NCAPD3: variants seen among roughly 807,000 people sequenced by gnomAD.
The protein encoded by NCAPD3 is condensin-2 complex subunit D3.
A neutral mutation model predicts 182.9 loss-of-function variants in NCAPD3; 105 were observed. The ratio of observed to expected loss-of-function variants is 0.57; its 90% CI spans 0.49 to 0.68. The LOEUF (loss-of-function observed/expected upper bound fraction) is 0.68, where lower values mean the gene tolerates loss of function less well. Among genes scored for constraint, NCAPD3 ranks in the 30% least tolerant of loss-of-function variants. NCAPD3 has a pLI of 0.00. For missense variants in NCAPD3, 1,944 were observed against 1,837.0 expected (o/e 1.06, Z -1.07); for synonymous variants, 815 against 679.9 (o/e 1.20, Z -3.09).
intron 7 of NCAPD3, among the ~76,000 whole-genome samples, chr11:134,207,229 G>A (rs1313624820): frequency 2.0e-5 from 3 of 151,964 alleles, no homozygotes; most frequent in South Asian, 2.1e-4. Context: ...GGTAGGTATT[G>A]CATTAAGCAC....
chr11:134,212,541 T>C (rs1937877706), intron 3 of NCAPD3, among the ~76,000 whole-genome samples: 1 of 151,990 alleles, frequency 6.6e-6, no homozygotes, highest in Non-Finnish European at 1.5e-5. Context: ...GTTACCACAT[T>C]GGGCTAATTT....
chr11:134,161,708 T>C, intron 28 of NCAPD3, 73 bp downstream of exon 28: 1 of 910,042 alleles, frequency 1.1e-6, no homozygotes, highest in Admixed American at 2.3e-5. Flanking sequence ...GCCTGCACTG[T>C]CATAACTGGC....
chr11:134,163,727 C>A (rs1469646709), intron 27 of NCAPD3, among the ~76,000 whole-genome samples: 2 of 142,644 alleles, frequency 1.4e-5, no homozygotes, highest in Admixed American at 1.4e-4. Context: ...AAAAAGTTAG[C>A]CAGGCACAGT....
intron 28 of NCAPD3, among the ~76,000 whole-genome samples, chr11:134,160,538 T>C (rs1487855102): frequency 2.0e-5 from 3 of 152,162 alleles, no homozygotes; most frequent in Non-Finnish European, 2.9e-5. Context: ...AGCCTCCCCA[T>C]TGGCTCTCAG....
In NCAPD3 at chr11:134,164,250, A is replaced by T. The variant is rs568253969; in HGVS notation, c.3574-2359T>A. ...CAAAAGCCTCAGCCTGACACACCAG[A>T]CTCCAGTCTGCAAGAGCACCATAAA... On this transcript the variant is annotated intron_variant, in intron 27 of 34. Coordinates refer to ENST00000534548, the MANE Select transcript of NCAPD3 (RefSeq NM_015261.3). 1.3e-3 allele frequency among the ~76,000 whole-genome samples: 200 copies of T among 152,132 alleles called. 1 individual carries two copies. The highest frequency in any genetic ancestry group is 9.8e-4 in the Admixed American group (15 of 15,276).
intron 19 of NCAPD3, among the ~76,000 whole-genome samples, chr11:134,183,594 T>C (rs997544600): frequency 1.3e-5 from 2 of 152,138 alleles, no homozygotes; most frequent in African/African-American, 4.8e-5. Context: ...GTTTGTCATA[T>C]AATTTCTTGG....
chr11:134,177,603 A>T (rs1345729643), intron 22 of NCAPD3, 146 bp from the exon 23 acceptor site: 2 of 672,592 alleles, frequency 3.0e-6, no homozygotes, highest in Non-Finnish European at 5.0e-6. Context: ...AAAAAACTAA[A>T]GGCAGACAGA....
chr11:134,191,439 C>T (rs901787043), intron 16 of NCAPD3, among the ~76,000 whole-genome samples: 2 of 152,092 alleles, frequency 1.3e-5, no homozygotes, highest in African/African-American at 4.8e-5. Context: ...CAGGCATACT[C>T]TCTTTGTGAT....
chr11:134,171,902 C>T (rs901943945), intron 24 of NCAPD3, among the ~76,000 whole-genome samples: 11 of 152,158 alleles, frequency 7.2e-5, no homozygotes, highest in South Asian at 2.1e-4. Context: ...GCACATTTCC[C>T]GGACCCCCAG....
Position 134,168,008 on chromosome 11 carries a change from C to G in NCAPD3, c.3561G>C (p.Lys1187Asn). ...GCAACACACTCACTTGTGAGATGAG[C>G]TTCTTCTGAGCTTCCTGCATGACTA... ...ANVVMQEAQK[K>N]LISQVQKRNF... The change falls in exon 27 of 35, where the codon AAG (lysine) becomes AAC (asparagine). Residue 1187 changes from lysine (K) to asparagine (N), a missense_variant. Lys to Asn is a moderately conservative substitution (Grantham distance 94, BLOSUM62 0). Coordinates refer to ENST00000534548, the MANE Select transcript of NCAPD3 (RefSeq NM_015261.3). 4 of 1,613,860 alleles carry G rather than the reference C, an allele frequency of 2.5e-6. No individual in the cohort carries two copies. Among genetic ancestry groups the G allele is most frequent in the Non-Finnish European group, 3.4e-6 (4 of 1,179,844 alleles).
chr11:134,193,627 C>A (rs779098361), intron 15 of NCAPD3, among the ~76,000 whole-genome samples: 5 of 152,162 alleles, frequency 3.3e-5, no homozygotes, highest in Non-Finnish European at 7.3e-5. Flanking sequence ...GCAGCACCTG[C>A]CTGTAGTCCC....
chr11:134,168,796 C>A, intron 25 of NCAPD3, 121 bp downstream of exon 25: 1 of 1,424,442 alleles, frequency 7.0e-7, no homozygotes, highest in South Asian at 1.4e-5. Flanking sequence ...TCCTGCCAAG[C>A]CACAGTAAAG....
chr11:134,156,857 G>A (rs749554983), intron 32 of NCAPD3, 161 bp downstream of exon 32: 53 of 604,254 alleles, frequency 8.8e-5, no homozygotes, highest in Non-Finnish European at 1.4e-4. Flanking sequence ...TGGATCAAGC[G>A]ACCGTGGTCA....
rs146025762 is a variant in NCAPD3, at chr11:134,173,818, G to A, written c.3101+2489C>T. On this transcript the variant is annotated intron_variant, in intron 24 of 34. Coordinates refer to ENST00000534548, the MANE Select transcript of NCAPD3 (RefSeq NM_015261.3). ...AAAGACCCAGAACCTCAAATTAGCC[G>A]GGCGTGGTGGCGCACGCCTGTGATC... 676 of 152,296 alleles carry A rather than the reference G, an allele frequency of 4.4e-3. 6 individuals carry two copies. Among genetic ancestry groups the A allele is most frequent in the African/African-American group, 0.015 (624 of 41,462 alleles). The allele number at this position is 152,296 out of a possible 1,614,324, so 9.4% of individuals were successfully genotyped here.
rs746398298 is a variant in NCAPD3 at position 134,184,944 on chromosome 11, A to G, written c.2294T>C (p.Ile765Thr). Residue 765 changes from isoleucine (I) to threonine (T), a missense_variant, in exon 18 of 35, where the codon ATT becomes ACT. Ile to Thr is a moderately conservative substitution (Grantham distance 89, BLOSUM62 -1). Around this residue, in one of 3 missense-constraint regions of NCAPD3, gnomAD observed 1,803 missense variants for 1,674.6 expected, o/e 1.08. Coordinates refer to ENST00000534548, the MANE Select transcript of NCAPD3 (RefSeq NM_015261.3). ...GGTGCTCTTAGGAAGATGCTTTGCA[A>G]TATGCCCAATCACACAGAGAATATG... ...LGHILCVIGH[I>T]AKHLPKSTRD... is the part of the protein sequence containing the mutation. 1 of 1,614,020 alleles carries G rather than the reference A, an allele frequency of 6.2e-7. No homozygotes were observed.
chr11:134,156,107 C>T (rs556563492), intron 32 of NCAPD3, among the ~76,000 whole-genome samples: 1 of 152,354 alleles, frequency 6.6e-6, no homozygotes, highest in East Asian at 1.9e-4. Flanking sequence ...GCAGTCAGGA[C>T]TAGGAGACAG....
At chr11:134,169,246 G>C (rs190013417) in intron 24 of NCAPD3, among the ~76,000 whole-genome samples, 192 bp from the exon 25 acceptor site, 6 of 152,326 alleles carry the variant, frequency 3.9e-5, no homozygotes, top group African/African-American at 1.4e-4. Flanking sequence ...TTGCTCCACA[G>C]CTTCCTTTCT....
intron 32 of NCAPD3, 183 bp downstream of exon 32, chr11:134,156,835 G>A (rs916027910): frequency 1.9e-6 from 1 of 519,002 alleles, no homozygotes; most frequent in Non-Finnish European, 3.4e-6. Flanking sequence ...CAACATACTC[G>A]GTCAGTGCTC....
upstream of NCAPD3, chr11:134,224,219 C>T (rs756938873): frequency 2.3e-5 from 12 of 529,466 alleles, no homozygotes; most frequent in Non-Finnish European, 3.7e-5. Flanking sequence ...TTTCCCGCCT[C>T]GTTTTTCTTC....
Sources: gnomAD v4.1 joint callset for allele counts (sites outside exome capture counted in the v4.1 genomes callset) on GRCh38, gnomAD v4.1.1 for gene constraint, gnomAD v4.1.1 regional missense constraint, MANE v1.5 for transcripts, NCBI Gene and HGNC (gene_info 2026-07-23, HGNC 2026-07-21) for gene names.